Variants in ADAR observed in about 807,000 individuals in gnomAD.
ADAR encodes the protein adenosine deaminase RNA specific.
In ADAR, 41 loss-of-function variants were observed where a neutral mutation model predicts 113.2. The ratio of observed to expected loss-of-function variants is 0.36; its 90% CI spans 0.28 to 0.47. ADAR has a LOEUF of 0.47. ADAR is among the 20% of genes least tolerant of loss of function. ADAR has a pLI of 1.00. For missense variants in ADAR, 1,242 were observed against 1,540.9 expected (o/e 0.81, Z 3.25); for synonymous variants, 605 against 572.6 (o/e 1.06, Z -0.81).
chr1:154,608,329 CTTT>C (rs560819918), upstream of ADAR: 1,052 of 285,304 alleles, frequency 3.7e-3, no homozygotes, highest in South Asian at 5.0e-3. Context: ...ACGGAAGGTA[CTTT>C]TTTTTTTTTT....
In ADAR at chr1:154,593,137, A is replaced by C. The variant is rs1220744707; in HGVS notation, c.2271-2728T>G. Among the ~76,000 whole-genome samples the C allele has an allele frequency of 5.2e-4, 38 of 72,716 alleles. No homozygotes were observed. In the East Asian group the frequency reaches 0.012, roughly 24 times the overall value. The allele number at this position is 72,716 out of a possible 152,430, so 47.7% of individuals were successfully genotyped here. On this transcript the variant is annotated intron_variant, in intron 6 of 14. Coordinates refer to ENST00000368474, the MANE Select transcript of ADAR (RefSeq NM_001111.5). The stretch of plus-strand genomic sequence containing the variant: ...GTGACAGAGTGAGACTCCATCTCCA[A>C]AAAAAAAAAAAAAAAAAAACAGAAA...
chr1:154,591,618 T>C (rs1346712031), intron 6 of ADAR, among the ~76,000 whole-genome samples: 1 of 152,262 alleles, frequency 6.6e-6, no homozygotes, highest in Non-Finnish European at 1.5e-5. Context: ...CTTGGAAATG[T>C]ACCAGACAAG....
chr1:154,624,347 G>C (rs895795587), intron 1 of ADAR, among the ~76,000 whole-genome samples: 16 of 152,118 alleles, frequency 1.1e-4, no homozygotes, highest in Admixed American at 1.0e-3. Flanking sequence ...TATTAAGTCT[G>C]ATAAAGTCTG....
chr1:154,609,930 A>G (rs1186538582), upstream of ADAR, among the ~76,000 whole-genome samples: 2 of 152,234 alleles, frequency 1.3e-5, no homozygotes, highest in Non-Finnish European at 2.9e-5. Flanking sequence ...GGGGGCAGGA[A>G]GCATGTTTTG....
intron 1 of ADAR, among the ~76,000 whole-genome samples, chr1:154,621,659 T>C (rs1451861360): frequency 3.3e-5 from 5 of 152,198 alleles, no homozygotes; most frequent in Admixed American, 3.3e-4. Flanking sequence ...TGAGATGCTA[T>C]TTCAAATTTA....
At chr1:154,623,029 C>G (rs1184346399) in intron 1 of ADAR, among the ~76,000 whole-genome samples, 3 of 151,934 alleles carry the variant, frequency 2.0e-5, no homozygotes, top group African/African-American at 7.3e-5. Flanking sequence ...ACAAATAATA[C>G]TAGCTAAGGG....
At chr1:154,612,318 G>GTTTT (rs55714254), upstream of ADAR, among the ~76,000 whole-genome samples, 112 of 69,206 alleles carry the variant, frequency 1.6e-3, 16 homozygotes, top group African/African-American at 4.3e-3. Context: ...AAATTACTCA[G>GTTTT]TTTTTTTTTT....
In ADAR at chr1:154,590,310, A is replaced by C. The variant is rs1200861188; in HGVS notation, c.2370T>G (p.Arg790=). The change falls in exon 7 of 15, where the codon CGT becomes CGG. Residue 790 remains arginine, a synonymous_variant. Transcript: ENST00000368474. Reference sequence around the variant, plus strand: ...CCTTCTCGTTCTCCCCAATCAAGACACGGAGAGCCGCATCTGCTGCTTCCT... The same window carrying C: ...CCTTCTCGTTCTCCCCAATCAAGACCCGGAGAGCCGCATCTGCTGCTTCCT... The part of the protein sequence containing the change: ...GKQEAADAAL[R]VLIGENEKAE... 5.6e-6 allele frequency: 9 copies of C among 1,614,020 alleles called. No individual in the cohort carries two copies. The highest frequency in any genetic ancestry group is 7.6e-6 in the Non-Finnish European group (9 of 1,180,006).
chr1:154,626,657 T>C (rs1698946111), intron 1 of ADAR, among the ~76,000 whole-genome samples: 1 of 152,192 alleles, frequency 6.6e-6, no homozygotes, highest in Non-Finnish European at 1.5e-5. Context: ...TAATAATAGC[T>C]AGACACTTCG....
At position 154,597,878 on chromosome 1, in the gene ADAR, G is replaced by A; in HGVS notation, c.1884C>T (p.Asn628=). The change falls in exon 4 of 15, where the codon AAC becomes AAT. Residue 628 remains asparagine, a synonymous_variant. Coordinates refer to ENST00000368474, the MANE Select transcript of ADAR (RefSeq NM_001111.5). Reference sequence around the variant, plus strand: ...TGGACAGGAGACGGAATTCGCAGGAGTTCCCCAATTTGTGCATACACTCAA... The same window carrying A: ...TGGACAGGAGACGGAATTCGCAGGAATTCCCCAATTTGTGCATACACTCAA... The part of the protein sequence containing the change: ...TLLECMHKLG[N]SCEFRLLSKE... 3 of 1,614,188 alleles carry A rather than the reference G, an allele frequency of 1.9e-6. No individual in the cohort carries two copies. Among genetic ancestry groups the A allele is most frequent in the Non-Finnish European group, 1.7e-6 (2 of 1,180,044 alleles).
At chr1:154,603,998 T>C (rs1022632026) in intron 1 of ADAR, among the ~76,000 whole-genome samples, 2 of 152,148 alleles carry the variant, frequency 1.3e-5, no homozygotes, top group African/African-American at 4.8e-5. Context: ...TGCCACACAA[T>C]TGGCTTGTCT....
intron 6 of ADAR, 27 bp downstream of exon 6, chr1:154,596,778 T>C (rs960823752): frequency 3.1e-6 from 5 of 1,611,664 alleles, no homozygotes; most frequent in East Asian, 2.2e-5. Flanking sequence ...TGGTGACACA[T>C]GCATTAGCCA....
chr1:154,585,887 A>G, intron 12 of ADAR, 22 bp from the exon 13 acceptor site: 1 of 1,593,392 alleles, frequency 6.3e-7, no homozygotes, highest in South Asian at 1.1e-5. Context: ...AAAGAGAAAC[A>G]TATATACCTG....
At chr1:154,590,074 G>A in intron 7 of ADAR, 110 bp downstream of exon 7, 1 of 1,495,512 alleles carries the variant, frequency 6.7e-7, no homozygotes. Context: ...CTCTCTCGAG[G>A]CTAAGAGTAA....
rs56126079 is a variant in ADAR at position 154,613,281 on chromosome 1, CTTT to C, written c.-870-10658_-870-10656del. On this transcript the variant is annotated intron_variant, in intron 1 of 14. Transcript: ENST00000368471. ...TATTGATGTTAATGATCACAAATGG[CTTT>C]TTTTTTTTTTTTTTTTTTGAGCCAG... Among the ~76,000 whole-genome samples, 605 of 84,656 alleles carry C rather than the reference CTTT, an allele frequency of 7.1e-3. 5 individuals are homozygous for C. The highest frequency in any genetic ancestry group is 0.023 in the African/African-American group (499 of 21,276). The allele number at this position is 84,656 out of a possible 152,430, so 55.5% of individuals were successfully genotyped here.
At chr1:154,587,376 T>C (rs1696832474) in intron 11 of ADAR, among the ~76,000 whole-genome samples, 1 of 152,224 alleles carries the variant, frequency 6.6e-6, no homozygotes, top group African/African-American at 2.4e-5. Context: ...TATTTGATGT[T>C]TTATTTATGA....
chr1:154,605,914 C>T (rs1397694391), intron 1 of ADAR: 17 of 869,956 alleles, frequency 2.0e-5, no homozygotes, highest in Non-Finnish European at 1.8e-5. Context: ...TTTTAAACTG[C>T]TACTCTTGGC....
At position 154,602,148 on chromosome 1, in the gene ADAR, A is replaced by G; in HGVS notation, c.494T>C (p.Leu165Pro). ...ATTGATTTCTTTCTTCGGAGTCCCA[A>G]GTTTCCCAGACAGATCATGTGCTGT... ...ATTAHDLSGK[L>P]GTPKKEINRV... The change falls in exon 2 of 15, where the codon CTT (leucine) becomes CCT (proline). Residue 165 changes from leucine (L) to proline (P), a missense_variant. Coordinates refer to ENST00000368474, the MANE Select transcript of ADAR (RefSeq NM_001111.5). The G allele has an allele frequency of 2.5e-6, 4 of 1,614,194 alleles. No individual in the cohort carries two copies. Among genetic ancestry groups the G allele is most frequent in the Non-Finnish European group, 1.7e-6 (2 of 1,180,034 alleles).
At chr1:154,586,592 G>T (rs1696780691) in intron 11 of ADAR, among the ~76,000 whole-genome samples, 1 of 152,228 alleles carries the variant, frequency 6.6e-6, no homozygotes, top group Non-Finnish European at 1.5e-5. Context: ...TGAGGAGATT[G>T]AAAGGGAAGA....
Sources: gnomAD v4.1 joint callset for allele counts (sites outside exome capture counted in the v4.1 genomes callset) on GRCh38, gnomAD v4.1.1 for gene constraint, MANE v1.5 for transcripts, NCBI Gene and HGNC (gene_info 2026-07-23, HGNC 2026-07-21) for gene names.